Variants in ROR2 observed in about 807,000 individuals in gnomAD.
ROR2 encodes ROR family WNT receptor 2.
ROR2 carries 33 observed loss-of-function variants against 74.9 expected under a neutral mutation model. That is an observed-to-expected ratio of 0.44 (90% CI 0.33 to 0.59). The LOEUF (loss-of-function observed/expected upper bound fraction) is 0.59. Among genes scored for constraint, ROR2 ranks in the 20% least tolerant of loss-of-function variants. The pLI is 0.02. For missense variants in ROR2, 1,216 were observed against 1,313.8 expected (o/e 0.93, Z 1.15); for synonymous variants, 586 against 558.7 (o/e 1.05, Z -0.69).
chr9:91,801,915 C>T (rs558255660), intron 1 of ROR2, among the ~76,000 whole-genome samples: 3 of 152,316 alleles, frequency 2.0e-5, no homozygotes, highest in South Asian at 4.1e-4. Flanking sequence ...GGGACCATCG[C>T]GCACAGCAGG....
In ROR2 at chr9:91,928,728, A is replaced by G. The variant is rs144266005; in HGVS notation, c.97+21139T>C. Among the ~76,000 whole-genome samples the G allele has an allele frequency of 2.7e-3, 414 of 152,338 alleles. 1 individual carries two copies. The highest frequency in any genetic ancestry group is 9.5e-3 in the African/African-American group (394 of 41,564). On this transcript the variant is annotated intron_variant, in intron 1 of 8. Transcript: ENST00000375708. Reference sequence around the variant, plus strand: ...ACTAAATGACATAATTCATCTAAAAAGCAGGGCAGATCCTGGCATGAATCA... The same window carrying G: ...ACTAAATGACATAATTCATCTAAAAGGCAGGGCAGATCCTGGCATGAATCA...
At chr9:91,892,181 T>A (rs1229077535) in intron 1 of ROR2, among the ~76,000 whole-genome samples, 1 of 151,924 alleles carries the variant, frequency 6.6e-6, no homozygotes, top group Non-Finnish European at 1.5e-5. Flanking sequence ...ACTGGCCAGA[T>A]AATCTCCCTT....
chr9:91,920,600 C>T (rs1831238207), intron 1 of ROR2, among the ~76,000 whole-genome samples: 1 of 152,226 alleles, frequency 6.6e-6, no homozygotes, highest in Admixed American at 6.5e-5. Context: ...GGAAGCCTAG[C>T]ATTTCACTCC....
intron 1 of ROR2, among the ~76,000 whole-genome samples, chr9:91,874,277 G>A (rs1401969856): frequency 1.3e-5 from 2 of 152,192 alleles, no homozygotes; most frequent in Non-Finnish European, 2.9e-5. Flanking sequence ...CACCGGTTCA[G>A]GAGGCTCTGC....
At chr9:91,837,590 TGG>T (rs1828647786) in intron 1 of ROR2, among the ~76,000 whole-genome samples, 3 of 152,218 alleles carry the variant, frequency 2.0e-5, no homozygotes, top group Admixed American at 2.0e-4. Flanking sequence ...TTAAGGGGCT[TGG>T]GGAAGAAGGC....
chr9:91,733,144 G>C lies in ROR2; in HGVS notation c.915C>G (p.Ile305Met). The C allele has an allele frequency of 6.2e-7, 1 of 1,600,200 alleles. No individual in the cohort carries two copies. ...PDAANCMRIG[I>M]PAERLGRYHQ... is the part of the protein sequence containing the mutation. Reference sequence around the variant, plus strand: ...CACAGCGGCCCAGCCTCTCGGCTGGGATGCCAATGCGCATGCAGTTGGCAG... The same window carrying C: ...CACAGCGGCCCAGCCTCTCGGCTGGCATGCCAATGCGCATGCAGTTGGCAG... Residue 305 changes from isoleucine (I) to methionine (M), a missense_variant, in exon 6 of 9, where the codon ATC becomes ATG. Ile to Met is a conservative substitution (Grantham distance 10). Transcript: ENST00000375708. The surrounding 1 kb of genome is among the most constrained non-coding windows in gnomAD (Gnocchi z 5.7).
intron 1 of ROR2, among the ~76,000 whole-genome samples, chr9:91,871,096 T>C (rs934388257): frequency 1.3e-5 from 2 of 152,246 alleles, no homozygotes; most frequent in African/African-American, 4.8e-5. Context: ...TATTTTAACA[T>C]GGTCTTCTCT....
In ROR2 at chr9:91,737,400, G is replaced by A. The variant is rs121909086; in HGVS notation, c.613C>T (p.Arg205Ter). 2.5e-6 allele frequency: 4 copies of A among 1,614,106 alleles called. No individual in the cohort carries two copies. The highest frequency in any genetic ancestry group is 3.4e-6 in the Non-Finnish European group (4 of 1,180,022). Residue 205 changes from arginine to a stop codon, truncating the protein, a stop_gained, in exon 5 of 9, where the codon CGA (arginine) becomes TGA (stop). Coordinates refer to ENST00000375708, the MANE Select transcript of ROR2 (RefSeq NM_004560.4). LOFTEE classifies it high-confidence loss of function. ...SLQMQGEIEN[R>*]ITAAFTMIGT... Reference sequence around the variant, plus strand: ...GGTCTGCAGCTCCTACCTGTGATTCGGTTTTCAATCTCCCCCTGCATCTGA... The same window carrying A: ...GGTCTGCAGCTCCTACCTGTGATTCAGTTTTCAATCTCCCCCTGCATCTGA...
intron 1 of ROR2, among the ~76,000 whole-genome samples, chr9:91,830,735 T>C (rs1007331071): frequency 6.6e-6 from 1 of 152,024 alleles, no homozygotes; most frequent in Non-Finnish European, 1.5e-5. Flanking sequence ...AAGTTTATGT[T>C]ATTATATTGA....
At chr9:91,760,371 C>T (rs1005881138) in intron 2 of ROR2, among the ~76,000 whole-genome samples, 1 of 152,158 alleles carries the variant, frequency 6.6e-6, no homozygotes, top group Non-Finnish European at 1.5e-5. Flanking sequence ...CGGTGGCTCA[C>T]GCCTGTAATC....
intron 1 of ROR2, among the ~76,000 whole-genome samples, chr9:91,813,080 GC>G (rs1302204598): frequency 6.6e-6 from 1 of 151,896 alleles, no homozygotes; most frequent in Non-Finnish European, 1.5e-5. Context: ...CTGCCAGGGT[GC>G]CCATCAACAC....
intron 1 of ROR2, among the ~76,000 whole-genome samples, chr9:91,943,904 T>A (rs528975783): frequency 6.6e-6 from 1 of 152,120 alleles, no homozygotes; most frequent in Non-Finnish European, 1.5e-5. Flanking sequence ...CACCTCAACA[T>A]AGTAAAAGCC....
intron 1 of ROR2, among the ~76,000 whole-genome samples, chr9:91,936,093 C>T (rs903795125): frequency 6.6e-6 from 1 of 152,244 alleles, no homozygotes; most frequent in East Asian, 1.9e-4. Context: ...CCACCACTAC[C>T]CCACTTCCCG....
Position 91,737,479 on chromosome 9 carries a change from C to T in ROR2, c.534G>A (p.Arg178=). The change falls in exon 5 of 9, where the codon CGG becomes CGA. Residue 178 remains arginine (R), a synonymous_variant. Coordinates refer to ENST00000375708, the MANE Select transcript of ROR2 (RefSeq NM_004560.4). ...YHEDGFCQPY[R]GIACARFIGN... ...CAATGAAGCGTGCACAGGCAATTCC[C>T]CGGTAAGGCTGGCAGAACCCATCCT... 6.2e-7 allele frequency: 1 copy of T among 1,614,206 alleles called. No homozygotes were observed. Among genetic ancestry groups the T allele is most frequent in the Non-Finnish European group, 8.5e-7 (1 of 1,180,042 alleles).
rs1218151089 is a variant in ROR2 at position 91,724,125 on chromosome 9, T to A, written c.2369A>T (p.Lys790Met). The change falls in exon 9 of 9, where the codon AAG becomes ATG. Residue 790 changes from lysine to methionine, a missense_variant. Coordinates refer to ENST00000375708, the MANE Select transcript of ROR2 (RefSeq NM_004560.4). ...CTGTGGGAAGGGCGGGGCCTTCTGC[T>A]TGGGCCCCACGTAGCGGGCGTTGCT... ...NVSNARYVGPKQKAPPFPQPQ... is the reference protein window; with the variant it reads ...NVSNARYVGPMQKAPPFPQPQ... 1 of 1,610,938 alleles carries A rather than the reference T, an allele frequency of 6.2e-7. No homozygotes were observed. The highest frequency in any genetic ancestry group is 1.1e-5 in the South Asian group (1 of 91,058).
At chr9:91,743,328 T>C (rs1825307089) in intron 4 of ROR2, among the ~76,000 whole-genome samples, 1 of 152,152 alleles carries the variant, frequency 6.6e-6, no homozygotes, top group African/African-American at 2.4e-5. Flanking sequence ...TCCCAGCATT[T>C]TGGGAGGCCG....
At chr9:91,845,877 CAA>C (rs5899143) in intron 1 of ROR2, among the ~76,000 whole-genome samples, 155 of 33,854 alleles carry the variant, frequency 4.6e-3, no homozygotes, top group East Asian at 0.024. Flanking sequence ...GAATCCATCT[CAA>C]AAAAAAAAAA....
rs1412549508 is a variant in ROR2 at position 91,733,254 on chromosome 9, T to A, written c.805A>T (p.Thr269Ser). 3.1e-6 allele frequency: 5 copies of A among 1,612,704 alleles called. No individual in the cohort carries two copies. Among genetic ancestry groups the A allele is most frequent in the Non-Finnish European group, 3.4e-6 (4 of 1,179,736 alleles). ...ATGAGCGGGTTGGAGCGGGCGATGG[T>A]GTACTCCTGGCGGCACAGGTCGCTC... is the stretch of plus-strand genomic sequence containing the variant. ...LESDLCRQEY[T>S]IARSNPLILM... is the part of the protein sequence containing the mutation. Residue 269 changes from threonine to serine, a missense_variant, in exon 6 of 9, where the codon ACC becomes TCC. Transcript: ENST00000375708. The surrounding 1 kb of genome is among the most constrained non-coding windows in gnomAD (Gnocchi z 5.7).
At chr9:91,789,086 A>G (rs1289043919) in intron 1 of ROR2, among the ~76,000 whole-genome samples, 1 of 152,208 alleles carries the variant, frequency 6.6e-6, no homozygotes, top group African/African-American at 2.4e-5. Context: ...CACGATAGCT[A>G]GAAGAGAAGT....
Sources: gnomAD v4.1 joint callset for allele counts (sites outside exome capture counted in the v4.1 genomes callset) on GRCh38, gnomAD v4.1.1 for gene constraint, Gnocchi (gnomAD v3.1) non-coding constraint, MANE v1.5 for transcripts, NCBI Gene and HGNC (gene_info 2026-07-23, HGNC 2026-07-21) for gene names.